CNTNAP5: variants seen among roughly 807,000 people sequenced by gnomAD.
CNTNAP5 encodes the protein contactin-associated protein-like 5.
CNTNAP5 carries 72 observed loss-of-function variants against 150.2 expected under a neutral mutation model. The observed-to-expected ratio is 0.48, with a 90% CI of 0.40 to 0.58. The LOEUF is 0.58. Among genes scored for constraint, CNTNAP5 ranks in the 20% least tolerant of loss-of-function variants. CNTNAP5 has a pLI of 0.00. For missense variants in CNTNAP5, 1,636 were observed against 1,626.2 expected (o/e 1.01, Z -0.10); for synonymous variants, 672 against 619.8 (o/e 1.08, Z -1.25).
intron 7 of CNTNAP5, among the ~76,000 whole-genome samples, chr2:124,492,764 CA>C (rs1694061175): frequency 6.6e-6 from 1 of 151,912 alleles, no homozygotes; most frequent in South Asian, 2.1e-4. Flanking sequence ...ATTTTATTTT[CA>C]TATAGTTTGT....
In CNTNAP5 at chr2:124,918,301, C is replaced by G. The variant is rs144446905; in HGVS notation, c.*4013C>G. On this transcript the variant is annotated 3_prime_UTR_variant, in exon 24 of 24. Coordinates refer to ENST00000682447, the MANE Select transcript of CNTNAP5 (RefSeq NM_001367498.1). ...TTGTCATCCAGCTCTTCCTAAAACCCTCCTTAGTCCTGATGAGCCATTTTG... is the reference window on the plus strand; with the variant it reads ...TTGTCATCCAGCTCTTCCTAAAACCGTCCTTAGTCCTGATGAGCCATTTTG... Among the ~76,000 whole-genome samples, 1 of 152,030 alleles carries G rather than the reference C, an allele frequency of 6.6e-6. No homozygotes were observed. Among genetic ancestry groups the G allele is most frequent in the Non-Finnish European group, 1.5e-5 (1 of 67,988 alleles).
chr2:124,055,667 A>C (rs1020829687), intron 1 of CNTNAP5, among the ~76,000 whole-genome samples: 1 of 152,114 alleles, frequency 6.6e-6, no homozygotes, highest in African/African-American at 2.4e-5. Flanking sequence ...CCTGGACCTC[A>C]TAAGTTGCCC....
chr2:124,552,635 G>A (rs1695653033), intron 10 of CNTNAP5, among the ~76,000 whole-genome samples: 2 of 152,170 alleles, frequency 1.3e-5, no homozygotes, highest in Non-Finnish European at 2.9e-5. Context: ...ATATATGTAT[G>A]TGTGAGTATA....
chr2:124,806,725 G>A (rs1010314576), intron 19 of CNTNAP5, among the ~76,000 whole-genome samples: 7 of 152,214 alleles, frequency 4.6e-5, no homozygotes, highest in South Asian at 4.1e-4. Flanking sequence ...AAAGTGCCTT[G>A]GTTCTTCATC....
In CNTNAP5 at chr2:124,763,753, C is replaced by A; in HGVS notation, c.2316C>A (p.Asn772Lys). ...TTATCACTGATACCGACAGATCAAA[C>A]TCAGAAGCCGCTTGGAGAATTGGTC... ...QIVITDTDRS[N>K]SEAAWRIGPL... Residue 772 changes from asparagine (N) to lysine (K), a missense_variant, in exon 15 of 24, where the codon AAC becomes AAA. Asn to Lys is a moderately conservative substitution (Grantham distance 94). Coordinates refer to ENST00000682447, the MANE Select transcript of CNTNAP5 (RefSeq NM_001367498.1). 6.2e-7 allele frequency: 1 copy of A among 1,613,148 alleles called. No individual in the cohort carries two copies. Among genetic ancestry groups the A allele is most frequent in the Non-Finnish European group, 8.5e-7 (1 of 1,179,474 alleles).
rs1023468244 is a variant in CNTNAP5 at position 124,358,144 on chromosome 2, C to G, written c.382-59299C>G. Reference sequence around the variant, plus strand: ...TATAAGAATGCTTGTGATTTTTGTACATTGATTTTGTATCGTGAGACTCTG... The same window carrying G: ...TATAAGAATGCTTGTGATTTTTGTAGATTGATTTTGTATCGTGAGACTCTG... On this transcript the variant is annotated intron_variant, in intron 3 of 23. Transcript: ENST00000682447. Among the ~76,000 whole-genome samples the G allele has an allele frequency of 1.3e-5, 2 of 152,148 alleles. 1 individual carries two copies. The highest frequency in any genetic ancestry group is 4.1e-4 in the South Asian group (2 of 4,832).
At chr2:124,117,944 G>C (rs1683467202) in intron 1 of CNTNAP5, among the ~76,000 whole-genome samples, 1 of 151,978 alleles carries the variant, frequency 6.6e-6, no homozygotes, top group African/African-American at 2.4e-5. Context: ...ACATTAGCTA[G>C]GTATGGTGGC....
intron 6 of CNTNAP5, among the ~76,000 whole-genome samples, chr2:124,469,230 A>G (rs530832340): frequency 1.3e-5 from 2 of 152,218 alleles, no homozygotes; most frequent in African/African-American, 4.8e-5. Flanking sequence ...AGTATATGGT[A>G]CCCTCTATAC....
At chr2:124,316,241 G>A (rs1005561092) in intron 3 of CNTNAP5, among the ~76,000 whole-genome samples, 1 of 152,168 alleles carries the variant, frequency 6.6e-6, no homozygotes, top group African/African-American at 2.4e-5. Flanking sequence ...TAGTAGCCCT[G>A]GAGTGGGTTA....
At chr2:124,038,243 C>A (rs1002249458) in intron 1 of CNTNAP5, among the ~76,000 whole-genome samples, 2 of 152,162 alleles carry the variant, frequency 1.3e-5, no homozygotes, top group African/African-American at 4.8e-5. Flanking sequence ...TCATTGTCAG[C>A]TGTATAGAAA....
At chr2:124,126,434 A>C (rs1683702846) in intron 1 of CNTNAP5, among the ~76,000 whole-genome samples, 1 of 152,158 alleles carries the variant, frequency 6.6e-6, no homozygotes, top group Non-Finnish European at 1.5e-5. Flanking sequence ...CCAACCAAAA[A>C]AAAGTCCAGG....
intron 3 of CNTNAP5, among the ~76,000 whole-genome samples, chr2:124,281,543 A>G (rs974539237): frequency 1.3e-5 from 2 of 152,160 alleles, no homozygotes; most frequent in Non-Finnish European, 2.9e-5. Context: ...CTCAAAAAAG[A>G]TATTGTCTTG....
intron 13 of CNTNAP5, among the ~76,000 whole-genome samples, chr2:124,676,418 T>A (rs1311234581): frequency 1.3e-5 from 2 of 152,242 alleles, no homozygotes; most frequent in African/African-American, 4.8e-5. Context: ...CCCCAATTTT[T>A]CCTTTAACAG....
At chr2:124,156,085 T>C (rs377604215) in intron 1 of CNTNAP5, among the ~76,000 whole-genome samples, 32 of 152,222 alleles carry the variant, frequency 2.1e-4, no homozygotes, top group African/African-American at 5.5e-4. Flanking sequence ...TAATGTATCA[T>C]GTTGCAGAAA....
chr2:124,152,905 C>T (rs1360274228), intron 1 of CNTNAP5, among the ~76,000 whole-genome samples: 1 of 152,136 alleles, frequency 6.6e-6, no homozygotes, highest in Non-Finnish European at 1.5e-5. Flanking sequence ...GAAAATCATC[C>T]TCATTCATCA....
At chr2:124,728,201 A>G (rs1338622569) in intron 13 of CNTNAP5, among the ~76,000 whole-genome samples, 1 of 152,024 alleles carries the variant, frequency 6.6e-6, no homozygotes, top group Non-Finnish European at 1.5e-5. Context: ...CTAGTATTCT[A>G]TCGAGGATTC....
At chr2:124,907,670 G>T (rs1035495052) in intron 22 of CNTNAP5, among the ~76,000 whole-genome samples, 2 of 149,498 alleles carry the variant, frequency 1.3e-5, no homozygotes, top group African/African-American at 4.9e-5. Context: ...TTTGAGAGGG[G>T]GATTAAAACT....
intron 10 of CNTNAP5, among the ~76,000 whole-genome samples, chr2:124,558,056 G>A (rs1054980003): frequency 6.6e-6 from 1 of 152,168 alleles, no homozygotes; most frequent in Non-Finnish European, 1.5e-5. Flanking sequence ...AGCCAGAGGA[G>A]ACGCGTTTAA....
chr2:124,813,923 C>A (rs1388293446), intron 19 of CNTNAP5, among the ~76,000 whole-genome samples: 1 of 151,892 alleles, frequency 6.6e-6, no homozygotes, highest in Non-Finnish European at 1.5e-5. Flanking sequence ...AGATTACTGC[C>A]ACGGAGTTCA....
Sources: allele counts gnomAD v4.1 joint callset (sites outside exome capture counted in the v4.1 genomes callset), GRCh38; gene constraint gnomAD v4.1.1; transcripts MANE v1.5; gene names NCBI Gene and HGNC (gene_info 2026-07-23, HGNC 2026-07-21).